LSAMP: variants seen among roughly 807,000 people sequenced by gnomAD.
LSAMP encodes limbic system associated membrane protein.
Under a neutral mutation model 38.6 loss-of-function variants are expected in LSAMP, and 7 were observed. The ratio of observed to expected loss-of-function variants is 0.18; its 90% CI spans 0.10 to 0.34. The LOEUF (loss-of-function observed/expected upper bound fraction) is 0.34, where lower values mean the gene tolerates loss of function less well. Among genes scored for constraint, LSAMP ranks in the 10% least tolerant of loss-of-function variants. The probability of loss-of-function intolerance (pLI) is 1.00; values close to 1 mark genes in which losing one functional copy is unlikely to be tolerated. For missense variants in LSAMP, 313 were observed against 420.0 expected (o/e 0.75, Z 2.23); for synonymous variants, 154 against 166.8 (o/e 0.92, Z 0.59).
At chr3:116,328,076 C>T (rs894617157) in intron 1 of LSAMP, among the ~76,000 whole-genome samples, 21 of 152,096 alleles carry the variant, frequency 1.4e-4, no homozygotes, top group Non-Finnish European at 2.5e-4. Context: ...AGTTGAGCCC[C>T]GAAGTGTTTA....
At chr3:116,293,312 C>T (rs1172675070) in intron 1 of LSAMP, among the ~76,000 whole-genome samples, 1 of 152,114 alleles carries the variant, frequency 6.6e-6, no homozygotes, top group African/African-American at 2.4e-5. Flanking sequence ...ATCAGTTGTC[C>T]TGAAGATTGC....
chr3:116,413,897 A>C (rs1231260113), intron 1 of LSAMP, among the ~76,000 whole-genome samples: 1 of 98,084 alleles, frequency 1.0e-5, no homozygotes, highest in East Asian at 6.0e-4. Flanking sequence ...TCTCACAGAA[A>C]ATTACAAAAA....
At chr3:116,422,026 A>T (rs2049135705) in intron 1 of LSAMP, among the ~76,000 whole-genome samples, 1 of 152,236 alleles carries the variant, frequency 6.6e-6, no homozygotes, top group Admixed American at 6.5e-5. Context: ...GATGCAATCC[A>T]CGTGTCCATT....
At chr3:115,907,132 T>C (rs1423536364) in intron 3 of LSAMP, among the ~76,000 whole-genome samples, 2 of 152,182 alleles carry the variant, frequency 1.3e-5, no homozygotes, top group East Asian at 3.9e-4. Context: ...CCTTCAAGCC[T>C]TGTTGCTTGC....
chr3:116,255,897 GTTTA>G (rs763067518), intron 1 of LSAMP, among the ~76,000 whole-genome samples: 10 of 152,088 alleles, frequency 6.6e-5, no homozygotes, highest in Admixed American at 2.6e-4. Context: ...TGAGAGGTTT[GTTTA>G]TTTATTTATT....
At chr3:115,891,037 T>C (rs1464301174) in intron 3 of LSAMP, among the ~76,000 whole-genome samples, 2 of 151,946 alleles carry the variant, frequency 1.3e-5, no homozygotes, top group African/African-American at 4.8e-5. Context: ...TGACACAAAT[T>C]GTACTATACT....
intron 1 of LSAMP, among the ~76,000 whole-genome samples, chr3:116,171,151 T>C (rs893940005): frequency 2.6e-5 from 4 of 152,194 alleles, no homozygotes; most frequent in Non-Finnish European, 4.4e-5. Flanking sequence ...TAATATTGCA[T>C]TCCACATTGG....
chr3:116,204,021 T>C (rs2046028805), intron 1 of LSAMP, among the ~76,000 whole-genome samples: 1 of 151,680 alleles, frequency 6.6e-6, no homozygotes, highest in Non-Finnish European at 1.5e-5. Flanking sequence ...CCACCAACAG[T>C]GTAAAAGTGT....
intron 2 of LSAMP, among the ~76,000 whole-genome samples, chr3:116,043,179 C>T (rs1941213019): frequency 6.6e-6 from 1 of 152,060 alleles, no homozygotes; most frequent in Non-Finnish European, 1.5e-5. Context: ...TTACTTATTA[C>T]CATTACTTTT....
chr3:116,289,821 C>T (rs1351943758), intron 1 of LSAMP, among the ~76,000 whole-genome samples: 1 of 152,126 alleles, frequency 6.6e-6, no homozygotes, highest in East Asian at 1.9e-4. Context: ...CAGTTTGCTA[C>T]AAAGAAGAGA....
At chr3:116,051,497 GT>G (rs1201372991) in intron 2 of LSAMP, among the ~76,000 whole-genome samples, 1 of 151,994 alleles carries the variant, frequency 6.6e-6, no homozygotes, top group Non-Finnish European at 1.5e-5. Context: ...CTTTATTATT[GT>G]TGTTGTTGTT....
At chr3:115,847,662 AAG>A (rs1935203691) in intron 4 of LSAMP, among the ~76,000 whole-genome samples, 1 of 152,186 alleles carries the variant, frequency 6.6e-6, no homozygotes, top group Non-Finnish European at 1.5e-5. Context: ...ATGGTTTTAT[AAG>A]AGTTTGGTAG....
At chr3:115,881,572 T>C (rs1278056894) in intron 3 of LSAMP, among the ~76,000 whole-genome samples, 1 of 152,162 alleles carries the variant, frequency 6.6e-6, no homozygotes, top group African/African-American at 2.4e-5. Flanking sequence ...GCAAGCATCC[T>C]TTTACTGCTT....
At chr3:116,155,223 G>T (rs1025901126) in intron 1 of LSAMP, among the ~76,000 whole-genome samples, 3 of 151,552 alleles carry the variant, frequency 2.0e-5, no homozygotes, top group African/African-American at 7.3e-5. Context: ...TGTTTTTTTT[G>T]TTTTGTTTTG....
At chr3:115,954,262 G>C (rs778075997) in intron 3 of LSAMP, among the ~76,000 whole-genome samples, 2 of 152,156 alleles carry the variant, frequency 1.3e-5, no homozygotes, top group Non-Finnish European at 2.9e-5. Context: ...TGGGAGCACA[G>C]TTTTACTGTG....
intron 2 of LSAMP, among the ~76,000 whole-genome samples, chr3:116,078,962 T>A (rs1707811733): frequency 6.6e-6 from 1 of 152,136 alleles, no homozygotes; most frequent in South Asian, 2.1e-4. Flanking sequence ...GTGTCTGTGC[T>A]CCAGGGCCTC....
At chr3:116,194,099 G>T (rs1190749603) in intron 1 of LSAMP, among the ~76,000 whole-genome samples, 1 of 152,148 alleles carries the variant, frequency 6.6e-6, no homozygotes, top group East Asian at 1.9e-4. Context: ...AGGGTTAAAA[G>T]CACATCACAT....
chr3:116,405,348 A>G (rs1227734279), intron 1 of LSAMP, among the ~76,000 whole-genome samples: 1 of 152,146 alleles, frequency 6.6e-6, no homozygotes, highest in Admixed American at 6.6e-5. Flanking sequence ...TATGAGGAAC[A>G]TGAGCTACTT....
intron 1 of LSAMP, among the ~76,000 whole-genome samples, chr3:116,159,164 C>T (rs145341770): frequency 2.5e-3 from 387 of 152,176 alleles, no homozygotes; most frequent in Non-Finnish European, 3.9e-3. Context: ...TTGAAGACAA[C>T]CTAGGAAATA....
Sources: gnomAD v4.1 joint callset for allele counts (sites outside exome capture counted in the v4.1 genomes callset) on GRCh38, gnomAD v4.1.1 for gene constraint, MANE v1.5 for transcripts, NCBI Gene and HGNC (gene_info 2026-07-23, HGNC 2026-07-21) for gene names.